The following NSD3 variants were observed in gnomAD, a reference collection of about 807,000 sequenced individuals.
The protein encoded by NSD3 is histone-lysine N-methyltransferase NSD3.
A neutral mutation model predicts 160.8 loss-of-function variants in NSD3; 24 were observed. That is an observed-to-expected ratio of 0.15 (90% confidence interval 0.11 to 0.21). The LOEUF (loss-of-function observed/expected upper bound fraction) is 0.21. NSD3 is among the 10% of genes least tolerant of loss of function. The pLI is 1.00. For missense variants in NSD3, 1,157 were observed against 1,735.9 expected, an observed-to-expected ratio of 0.67 and a Z score of 5.93; for synonymous variants, 520 against 600.0, an observed-to-expected ratio of 0.87 and a Z score of 1.95.
At position 38,323,763 on chromosome 8, in the gene NSD3, G is replaced by C. The variant is rs572645311; in HGVS notation, c.1709-2591C>G. Among the ~76,000 whole-genome samples the C allele has an allele frequency of 4.7e-5, 7 of 149,046 alleles. No individual in the cohort carries two copies. In the South Asian group the frequency reaches 1.5e-3, roughly 32 times the overall value. ...GGATCTCTGGAGTCCAGGAGTTTAA[G>C]GTTACAGTGAACTAAGATCACACCA... On this transcript the variant is annotated intron_variant, in intron 7 of 23. Coordinates refer to ENST00000317025, the MANE Select transcript of NSD3 (RefSeq NM_023034.2).
At chr8:38,375,669 T>C (rs1228970506) in intron 1 of NSD3, among the ~76,000 whole-genome samples, 1 of 151,940 alleles carries the variant, frequency 6.6e-6, no homozygotes, top group Non-Finnish European at 1.5e-5. Context: ...TAATTATTTA[T>C]AACTTATAAA....
In NSD3 at chr8:38,329,597, C is replaced by T. The variant is rs781463577; in HGVS notation, c.1362G>A (p.Arg454=). 5.6e-6 allele frequency: 9 copies of T among 1,614,212 alleles called. No homozygotes were observed. The highest frequency in any genetic ancestry group is 7.6e-6 in the Non-Finnish European group (9 of 1,180,038). The stretch of plus-strand genomic sequence containing the variant: ...GCTCTTCCTCTTCCGCACTTGTGTG[C>T]CGCCTCTGGCTATGTCTCCGAATTT... ...STEIRRHSQR[R]HTSAEEEEPP... is the part of the protein sequence containing the mutation. The change falls in exon 6 of 24, where the codon CGG becomes CGA. Residue 454 remains arginine (R), a synonymous_variant. Coordinates refer to ENST00000317025, the MANE Select transcript of NSD3 (RefSeq NM_023034.2). The surrounding 1 kb of genome is among the most constrained non-coding windows in gnomAD (Gnocchi z 4.8).
At chr8:38,372,859 T>C (rs1175298455) in intron 1 of NSD3, among the ~76,000 whole-genome samples, 9 of 147,150 alleles carry the variant, frequency 6.1e-5, no homozygotes, top group African/African-American at 2.2e-4. Context: ...GGTTCACGCC[T>C]GGCCAATATA....
At chr8:38,293,750 C>T (rs536771163) in intron 16 of NSD3, among the ~76,000 whole-genome samples, 87 of 151,106 alleles carry the variant, frequency 5.8e-4, no homozygotes, top group Middle Eastern at 6.8e-3. Context: ...CAGTGAAACC[C>T]CGTCTGTACT....
At chr8:38,290,959 C>T (rs1808986664) in intron 16 of NSD3, among the ~76,000 whole-genome samples, 1 of 151,938 alleles carries the variant, frequency 6.6e-6, no homozygotes. Context: ...AATACTGAAC[C>T]TACTACCCAA....
rs150927307 is a variant in NSD3 at position 38,308,913 on chromosome 8, G to T, written c.2243-3468C>A. On this transcript the variant is annotated intron_variant, in intron 12 of 23. Coordinates refer to ENST00000317025, the MANE Select transcript of NSD3 (RefSeq NM_023034.2). The stretch of plus-strand genomic sequence containing the variant: ...CTAGTGCAAATGTTATGCTAACAGA[G>T]AGCTGAACTATCAAACTCCTTTAAG... Among the ~76,000 whole-genome samples the T allele has an allele frequency of 1.2e-4, 18 of 152,244 alleles. No individual in the cohort carries two copies. The East Asian group carries it at 3.5e-3, about 29-fold the overall frequency.
intron 7 of NSD3, among the ~76,000 whole-genome samples, chr8:38,326,015 G>C (rs1809902053): frequency 6.6e-6 from 1 of 151,918 alleles, no homozygotes; most frequent in Non-Finnish European, 1.5e-5. Context: ...GGGTGTGTTG[G>C]CATGCCCCTG....
intron 19 of NSD3, among the ~76,000 whole-genome samples, chr8:38,286,051 A>G (rs1315762937): frequency 6.6e-6 from 1 of 152,130 alleles, no homozygotes; most frequent in Non-Finnish European, 1.5e-5. Context: ...TGTTCATGCC[A>G]TTTTGTCGCC....
intron 16 of NSD3, among the ~76,000 whole-genome samples, chr8:38,293,306 C>G (rs930582529): frequency 6.6e-6 from 1 of 151,444 alleles, no homozygotes; most frequent in Non-Finnish European, 1.5e-5. Flanking sequence ...AATCCCAGCA[C>G]TTTGGGAGGC....
intron 2 of NSD3, among the ~76,000 whole-genome samples, chr8:38,345,862 T>C (rs1013365945): frequency 4.6e-5 from 7 of 152,008 alleles, no homozygotes; most frequent in African/African-American, 1.5e-4. Context: ...TGAGCCAAGA[T>C]TGCACCACTG....
intron 16 of NSD3, among the ~76,000 whole-genome samples, chr8:38,294,849 A>T (rs990198522): frequency 1.8e-4 from 28 of 152,028 alleles, no homozygotes; most frequent in Admixed American, 9.8e-4. Context: ...AAAAATTTTT[A>T]AAGTTTTTTT....
Position 38,319,995 on chromosome 8 carries a change from CACA to C in NSD3, c.1810-1058_1810-1056del, listed in dbSNP as rs1809759699. 6.6e-6 allele frequency: 1 copy of C among 152,024 alleles called. No homozygotes were observed. The allele number at this position is 152,024 out of a possible 1,614,324, so 9.4% of individuals were successfully genotyped here. ...GATTTTGGGAACCAGCTGGCAAAAT[CACA>C]ACTTCATTTTGGTAATGAATAACTA... On this transcript the variant is annotated intron_variant, in intron 8 of 23. Transcript: ENST00000317025. The surrounding 1 kb of genome is among the most constrained non-coding windows in gnomAD (Gnocchi z 4.1).
intron 1 of NSD3, among the ~76,000 whole-genome samples, chr8:38,351,821 T>C (rs1281558709): frequency 4.1e-5 from 6 of 146,672 alleles, no homozygotes; most frequent in African/African-American, 1.3e-4. Flanking sequence ...AATTGAACAA[T>C]GAGAACACAT....
At chr8:38,320,953 A>T in intron 8 of NSD3, 119 bp downstream of exon 8, 2 of 901,740 alleles carry the variant, frequency 2.2e-6, no homozygotes, top group African/African-American at 1.7e-5. Context: ...CAGAAGCGTT[A>T]AGATAGTCCA....
At chr8:38,369,668 T>C (rs908556224) in intron 1 of NSD3, among the ~76,000 whole-genome samples, 1 of 152,178 alleles carries the variant, frequency 6.6e-6, no homozygotes, top group Non-Finnish European at 1.5e-5. Flanking sequence ...CAAGAATAAT[T>C]TTCATTTGCA....
At chr8:38,364,800 A>T (rs1811068985) in intron 1 of NSD3, among the ~76,000 whole-genome samples, 1 of 152,250 alleles carries the variant, frequency 6.6e-6, no homozygotes, top group Non-Finnish European at 1.5e-5. Flanking sequence ...TATAATAGTC[A>T]CAGTTTTAAG....
chr8:38,296,015 G>C lies in NSD3; in HGVS notation c.2759-63C>G, dbSNP rs938868094. The C allele has an allele frequency of 2.0e-6, 3 of 1,473,080 alleles. No homozygotes were observed. In the African/African-American group the frequency reaches 4.3e-5, roughly 21 times the overall value. The allele number at this position is 1,473,080 out of a possible 1,614,324, so 91.3% of individuals were successfully genotyped here. On this transcript the variant is annotated intron_variant, in intron 15 of 23. Transcript: ENST00000317025. ...AGGAGAGAGAAAAAGAAAGAAAAAGGAGAAAGTTATCTTTTCAGCACATTA... is the reference window on the plus strand; with the variant it reads ...AGGAGAGAGAAAAAGAAAGAAAAAGCAGAAAGTTATCTTTTCAGCACATTA...
At chr8:38,354,811 A>G (rs1810784046) in intron 1 of NSD3, among the ~76,000 whole-genome samples, 1 of 152,198 alleles carries the variant, frequency 6.6e-6, no homozygotes, top group Non-Finnish European at 1.5e-5. Flanking sequence ...AAGTGGTATA[A>G]GCCTCCATTA....
chr8:38,325,434 C>T (rs546692398), intron 7 of NSD3, among the ~76,000 whole-genome samples: 2 of 152,282 alleles, frequency 1.3e-5, no homozygotes, highest in Non-Finnish European at 2.9e-5. Flanking sequence ...CAAATGAACA[C>T]GCTAGTTAAT....
Sources: allele counts gnomAD v4.1 joint callset (sites outside exome capture counted in the v4.1 genomes callset), GRCh38; gene constraint gnomAD v4.1.1; non-coding constraint Gnocchi (gnomAD v3.1); transcripts MANE v1.5; gene names NCBI Gene and HGNC (gene_info 2026-07-23, HGNC 2026-07-21).